Variants in PITPNC1 observed in about 807,000 individuals in gnomAD.
PITPNC1 encodes cytoplasmic phosphatidylinositol transfer protein 1.
In PITPNC1, 18 loss-of-function variants were observed where a neutral mutation model predicts 44.7. The observed-to-expected ratio is 0.40, with a 90% CI of 0.28 to 0.60. The LOEUF (loss-of-function observed/expected upper bound fraction) is 0.60. Among genes scored for constraint, PITPNC1 ranks in the 20% least tolerant of loss-of-function variants. The probability of loss-of-function intolerance (pLI) is 0.39; values close to 1 mark genes in which losing one functional copy is unlikely to be tolerated. For synonymous variants in PITPNC1, 141 were observed against 149.6 expected (o/e 0.94, Z 0.42); for missense variants, 290 against 418.4 (o/e 0.69, Z 2.68).
chr17:67,550,788 G>T (rs1316903756), intron 2 of PITPNC1, among the ~76,000 whole-genome samples: 1 of 152,200 alleles, frequency 6.6e-6, no homozygotes, highest in Non-Finnish European at 1.5e-5. Context: ...TGGGCCGGGC[G>T]CAGTCGCTCA....
chr17:67,535,980 A>C (rs978862675), intron 2 of PITPNC1, among the ~76,000 whole-genome samples: 8 of 152,246 alleles, frequency 5.3e-5, no homozygotes, highest in Non-Finnish European at 1.2e-4. Flanking sequence ...AAGGTCTGAG[A>C]GAGTTTACTA....
rs1420342112 is a variant in PITPNC1, at chr17:67,683,021, G to A, written c.682+7479G>A. Among the ~76,000 whole-genome samples the A allele has an allele frequency of 2.0e-5, 3 of 152,052 alleles. No individual in the cohort carries two copies. The East Asian group carries it at 5.8e-4, about 29-fold the overall frequency. Reference sequence around the variant, plus strand: ...CTAAAAATACAAAAATTAGCTGGGTGTGGTGGCGGGTGCCTGTAATCCCAG... The same window carrying A: ...CTAAAAATACAAAAATTAGCTGGGTATGGTGGCGGGTGCCTGTAATCCCAG... On this transcript the variant is annotated intron_variant, in intron 8 of 8. Transcript: ENST00000581322.
chr17:67,680,671 G>C (rs2042686854), intron 8 of PITPNC1, among the ~76,000 whole-genome samples: 1 of 151,618 alleles, frequency 6.6e-6, no homozygotes, highest in Non-Finnish European at 1.5e-5. Flanking sequence ...ATGTGGAAAA[G>C]GTATACACCA....
chr17:67,544,665 G>A (rs1378918071), intron 2 of PITPNC1, among the ~76,000 whole-genome samples: 1 of 152,242 alleles, frequency 6.6e-6, no homozygotes, highest in East Asian at 1.9e-4. Context: ...GATGGCTTTG[G>A]GTAGGAGAGG....
intron 1 of PITPNC1, among the ~76,000 whole-genome samples, chr17:67,531,538 C>G (rs550264449): frequency 6.6e-6 from 1 of 152,310 alleles, no homozygotes; most frequent in South Asian, 2.1e-4. Context: ...TTCACACTCC[C>G]GTCCCTGCTC....
intron 1 of PITPNC1, among the ~76,000 whole-genome samples, chr17:67,441,662 C>T (rs1297120339): frequency 6.6e-6 from 1 of 152,172 alleles, no homozygotes; most frequent in Non-Finnish European, 1.5e-5. Context: ...TATTCTTCTC[C>T]CTGTTCCTAA....
At chr17:67,672,518 G>A (rs2144405752) in intron 7 of PITPNC1, among the ~76,000 whole-genome samples, 1 of 151,880 alleles carries the variant, frequency 6.6e-6, no homozygotes, top group South Asian at 2.1e-4. Flanking sequence ...AGAATCACTT[G>A]AACCCAGGAA....
chr17:67,594,631 G>A (rs2041437333), intron 5 of PITPNC1, among the ~76,000 whole-genome samples: 1 of 152,124 alleles, frequency 6.6e-6, no homozygotes, highest in South Asian at 2.1e-4. Flanking sequence ...CATCTGTAAG[G>A]GATCCTGCTT....
chr17:67,540,878 C>T (rs552406794), intron 2 of PITPNC1, among the ~76,000 whole-genome samples: 134 of 152,178 alleles, frequency 8.8e-4, no homozygotes, highest in Non-Finnish European at 1.6e-3. Context: ...ATATCCTTTC[C>T]ATACCCTTGA....
chr17:67,478,408 A>G (rs2039659863), intron 1 of PITPNC1, among the ~76,000 whole-genome samples: 1 of 152,220 alleles, frequency 6.6e-6, no homozygotes, highest in African/African-American at 2.4e-5. Flanking sequence ...GAGACACAGC[A>G]GTCCCTGTTC....
At chr17:67,479,465 C>T (rs955551517) in intron 1 of PITPNC1, among the ~76,000 whole-genome samples, 6 of 152,234 alleles carry the variant, frequency 3.9e-5, no homozygotes, top group East Asian at 3.9e-4. Context: ...TTAATTTGGG[C>T]GGGAGTCTGC....
intron 8 of PITPNC1, among the ~76,000 whole-genome samples, chr17:67,678,428 T>C (rs1190552192): frequency 6.6e-6 from 1 of 152,166 alleles, no homozygotes; most frequent in Non-Finnish European, 1.5e-5. Flanking sequence ...ACTGTGGGCT[T>C]TAGTGAATGT....
intron 1 of PITPNC1, among the ~76,000 whole-genome samples, chr17:67,464,657 A>T (rs1422169165): frequency 1.3e-5 from 2 of 152,186 alleles, no homozygotes; most frequent in African/African-American, 4.8e-5. Flanking sequence ...TAAAAAGCTA[A>T]TTTAAAATTG....
intron 5 of PITPNC1, among the ~76,000 whole-genome samples, chr17:67,593,098 A>G (rs1397062221): frequency 2.0e-5 from 3 of 152,200 alleles, no homozygotes; most frequent in Non-Finnish European, 1.5e-5. Flanking sequence ...AATAAATTCC[A>G]AAAGTGTTTA....
At chr17:67,423,788 T>C (rs966144539) in intron 1 of PITPNC1, among the ~76,000 whole-genome samples, 1 of 152,144 alleles carries the variant, frequency 6.6e-6, no homozygotes. Flanking sequence ...CAGATTTCTG[T>C]CCTGAAGCCA....
At chr17:67,537,171 C>T (rs1044543301) in intron 2 of PITPNC1, among the ~76,000 whole-genome samples, 2 of 152,088 alleles carry the variant, frequency 1.3e-5, no homozygotes, top group Non-Finnish European at 2.9e-5. Context: ...GTCAGGAACA[C>T]ATTAAGGATG....
intron 1 of PITPNC1, among the ~76,000 whole-genome samples, chr17:67,415,410 TC>T (rs893571878): frequency 6.6e-6 from 1 of 152,116 alleles, no homozygotes; most frequent in African/African-American, 2.4e-5. Flanking sequence ...CGTCTCCAAA[TC>T]CTTTGGGTCA....
At chr17:67,467,220 G>T (rs975669488) in intron 1 of PITPNC1, among the ~76,000 whole-genome samples, 18 of 151,420 alleles carry the variant, frequency 1.2e-4, no homozygotes, top group African/African-American at 3.6e-4. Flanking sequence ...TATTTTTTGT[G>T]TGTGTGTGTT....
intron 1 of PITPNC1, among the ~76,000 whole-genome samples, chr17:67,460,728 TTTTC>T (rs1177205330): frequency 3.9e-5 from 5 of 128,746 alleles, no homozygotes; most frequent in Non-Finnish European, 6.7e-5. Flanking sequence ...TCTTTTTTCT[TTTTC>T]TTTCTTTCTT....
Sources: gnomAD v4.1 joint callset for allele counts (sites outside exome capture counted in the v4.1 genomes callset) on GRCh38, gnomAD v4.1.1 for gene constraint, MANE v1.5 for transcripts, NCBI Gene and HGNC (gene_info 2026-07-23, HGNC 2026-07-21) for gene names.